The following PIEZO2 variants were observed in gnomAD, a reference collection of about 807,000 sequenced individuals.
PIEZO2 encodes piezo type mechanosensitive ion channel component 2.
PIEZO2 carries 172 observed loss-of-function variants against 337.3 expected under a neutral mutation model. That is an observed-to-expected ratio of 0.51 (90% CI 0.45 to 0.58). The LOEUF (loss-of-function observed/expected upper bound fraction) is 0.58, where lower values mean the gene tolerates loss of function less well. Among genes scored for constraint, PIEZO2 ranks in the 20% least tolerant of loss-of-function variants. The pLI, the probability that PIEZO2 is intolerant of heterozygous loss-of-function variation, is 0.00. For synonymous variants in PIEZO2, 1,251 were observed against 1,228.5 expected, an observed-to-expected ratio of 1.02 and a Z score of -0.38; for missense variants, 3,028 against 3,391.3, an observed-to-expected ratio of 0.89 and a Z score of 2.66.
intron 21 of PIEZO2, among the ~76,000 whole-genome samples, chr18:10,768,664 G>A (rs1002618173): frequency 3.3e-5 from 5 of 152,218 alleles, no homozygotes; most frequent in Non-Finnish European, 5.9e-5. Flanking sequence ...TCTGCACAAT[G>A]TGTGAATCAC....
chr18:10,748,925 T>C lies in PIEZO2; in HGVS notation c.4265-295A>G, dbSNP rs2037534788. ...TCTCTCTCTTAGGAAGAAAGGGACC[T>C]CCAACAAAGGCCACAGAGAAATAAT... On this transcript the variant is annotated intron_variant, in intron 29 of 55. Transcript: ENST00000674853. This position sits in a 1 kb window ranked among gnomAD's most constrained non-coding sequence, Gnocchi z 5.1. Among the ~76,000 whole-genome samples the C allele has an allele frequency of 6.6e-6, 1 of 152,026 alleles. No individual in the cohort carries two copies. The highest frequency in any genetic ancestry group is 2.1e-4 in the South Asian group (1 of 4,818).
chr18:11,139,116 C>T (rs1455405659), intron 1 of PIEZO2, among the ~76,000 whole-genome samples: 1 of 152,218 alleles, frequency 6.6e-6, no homozygotes, highest in Non-Finnish European at 1.5e-5. Flanking sequence ...ATGTCGGGCA[C>T]TGCTCGAAGC....
At chr18:10,720,138 T>A (rs951987689) in intron 36 of PIEZO2, among the ~76,000 whole-genome samples, 3 of 150,560 alleles carry the variant, frequency 2.0e-5, no homozygotes, top group African/African-American at 7.4e-5. Context: ...AGATTATACT[T>A]AAGCTAAACA....
At chr18:10,807,999 A>G (rs1258789404) in intron 7 of PIEZO2, among the ~76,000 whole-genome samples, 3 of 152,192 alleles carry the variant, frequency 2.0e-5, no homozygotes, top group Non-Finnish European at 4.4e-5. Context: ...ATTCATTTTG[A>G]TGGGCAATTT....
intron 2 of PIEZO2, among the ~76,000 whole-genome samples, chr18:11,020,836 T>C (rs1180137469): frequency 6.6e-6 from 1 of 152,240 alleles, no homozygotes; most frequent in Non-Finnish European, 1.5e-5. Flanking sequence ...TATAAGAAAG[T>C]TACTGTTCTG....
At chr18:10,924,412 A>G (rs1355527942) in intron 3 of PIEZO2, among the ~76,000 whole-genome samples, 1 of 152,208 alleles carries the variant, frequency 6.6e-6, no homozygotes, top group African/African-American at 2.4e-5. Context: ...AATCCTTCAT[A>G]AAGGGCTTAT....
Position 10,726,310 on chromosome 18 carries a change from A to G in PIEZO2, c.5029+5097T>C. ...CGCGGCCAGAGCCCCGGCCAGGTGG[A>G]GCAGGTGGGTCCCCGAACGCCCCGC... On this transcript the variant is annotated intron_variant, in intron 36 of 55. Coordinates refer to ENST00000674853, the MANE Select transcript of PIEZO2 (RefSeq NM_001378183.1). The surrounding 1 kb of genome is among the most constrained non-coding windows in gnomAD (Gnocchi z 5.9). The G allele has an allele frequency of 8.4e-7, 1 of 1,183,706 alleles. No homozygotes were observed. The highest frequency in any genetic ancestry group is 1.4e-5 in the South Asian group (1 of 69,548). The allele number at this position is 1,183,706 out of a possible 1,614,324, so 73.3% of individuals were successfully genotyped here.
chr18:10,995,027 G>A (rs1023795253), intron 2 of PIEZO2, among the ~76,000 whole-genome samples: 33 of 143,370 alleles, frequency 2.3e-4, no homozygotes, highest in Middle Eastern at 7.6e-3. Context: ...CTCAAAAGCC[G>A]AGATCGTGCC....
rs1314033667 is a variant in PIEZO2 at position 10,705,447 on chromosome 18, C to A, written c.5888G>T (p.Gly1963Val). ...LSFGSQDDSA[G>V]KNRMAVSPDD... ...CGGGCTGACTGCCATACGGTTCTTGCCTGCAGAGTCGTCCTGCGAGCCGAA... is the reference window on the plus strand; with the variant it reads ...CGGGCTGACTGCCATACGGTTCTTGACTGCAGAGTCGTCCTGCGAGCCGAA... The change falls in exon 41 of 56, where the codon GGC (glycine) becomes GTC (valine). Residue 1963 changes from glycine to valine, a missense_variant. This residue lies in a region of PIEZO2 where 1,925 missense variants were observed against 2,051.9 expected (regional missense o/e 0.94). Coordinates refer to ENST00000674853, the MANE Select transcript of PIEZO2 (RefSeq NM_001378183.1). 76 of 1,537,110 alleles carry A rather than the reference C, an allele frequency of 4.9e-5. No individual in the cohort carries two copies. The highest frequency in any genetic ancestry group is 6.6e-5 in the Non-Finnish European group (76 of 1,146,912).
chr18:10,869,847 T>C (rs779357968), intron 5 of PIEZO2, among the ~76,000 whole-genome samples: 3 of 152,194 alleles, frequency 2.0e-5, no homozygotes, highest in Non-Finnish European at 4.4e-5. Context: ...GCAAGGTGAT[T>C]GCATATCTTT....
intron 7 of PIEZO2, among the ~76,000 whole-genome samples, chr18:10,848,490 A>C (rs2041434206): frequency 6.6e-6 from 1 of 152,222 alleles, no homozygotes; most frequent in Non-Finnish European, 1.5e-5. Context: ...GAAGTAGATG[A>C]TAAAAAAGGG....
At chr18:10,714,989 T>A in intron 38 of PIEZO2, 59 bp from the exon 39 acceptor site, 1 of 1,491,928 alleles carries the variant, frequency 6.7e-7, no homozygotes, top group Admixed American at 2.0e-5. Flanking sequence ...TATAGCCACC[T>A]GGCATTTCTC....
rs1307996735 is a variant in PIEZO2, at chr18:10,828,532, A to C, written c.918-21258T>G. ...AAACTGAAAGTAGAAGGTAAAATAT[A>C]CATAAAGGTGTGAGTTCTAGGTGGA... On this transcript the variant is annotated intron_variant, in intron 7 of 55. Transcript: ENST00000674853. The surrounding 1 kb of genome is among the most constrained non-coding windows in gnomAD (Gnocchi z 4.1). Among the ~76,000 whole-genome samples the C allele has an allele frequency of 6.6e-6, 1 of 152,202 alleles. No individual in the cohort carries two copies. The highest frequency in any genetic ancestry group is 1.5e-5 in the Non-Finnish European group (1 of 68,026).
At position 10,672,689 on chromosome 18, in the gene PIEZO2, C is replaced by T; in HGVS notation, c.8345+1G>A. ...CTGTGAATTGTTCAATGAGTCCTTA[C>T]CCATAGCCAGCCAGGAACCCCAGAC... On this transcript the variant is annotated splice_donor_variant, in intron 55 of 55. Coordinates refer to ENST00000674853, the MANE Select transcript of PIEZO2 (RefSeq NM_001378183.1). LOFTEE classifies it high-confidence loss of function. This position sits in a 1 kb window ranked among gnomAD's most constrained non-coding sequence, Gnocchi z 4.7. The T allele has an allele frequency of 6.2e-7, 1 of 1,613,770 alleles. No homozygotes were observed. The highest frequency in any genetic ancestry group is 8.5e-7 in the Non-Finnish European group (1 of 1,179,856).
rs574137786 is a variant in PIEZO2, at chr18:11,105,169, T to C, written c.65-38947A>G. Among the ~76,000 whole-genome samples, 1 of 152,204 alleles carries C rather than the reference T, an allele frequency of 6.6e-6. No homozygotes were observed. The highest frequency in any genetic ancestry group is 1.5e-5 in the Non-Finnish European group (1 of 68,022). ...CCAGGCCTTGCCATGATGGAGGAAGTATCAATAAATCGCCCATTTTCTTTG... is the reference window on the plus strand; with the variant it reads ...CCAGGCCTTGCCATGATGGAGGAAGCATCAATAAATCGCCCATTTTCTTTG... On this transcript the variant is annotated intron_variant, in intron 1 of 55. Transcript: ENST00000674853. The surrounding 1 kb of genome is among the most constrained non-coding windows in gnomAD (Gnocchi z 4.3).
intron 30 of PIEZO2, 67 bp from the exon 31 acceptor site, chr18:10,744,298 A>G (rs73946010): frequency 0.045 from 46,375 of 1,028,448 alleles, 1,217 homozygotes; most frequent in Middle Eastern, 0.092. Context: ...TTTCCTGAAA[A>G]TTATTACTAA....
intron 2 of PIEZO2, among the ~76,000 whole-genome samples, chr18:11,045,390 C>T (rs948289547): frequency 1.5e-4 from 22 of 147,670 alleles, no homozygotes; most frequent in Non-Finnish European, 3.1e-4. Context: ...CAAAATTATT[C>T]AAGCCTGAAC....
intron 7 of PIEZO2, among the ~76,000 whole-genome samples, chr18:10,814,261 G>A (rs1177669423): frequency 1.3e-5 from 2 of 151,616 alleles, no homozygotes; most frequent in Non-Finnish European, 2.9e-5. Flanking sequence ...GAGCCACCGT[G>A]CCCCGTCCCA....
chr18:10,838,400 CT>C (rs1360263070), intron 7 of PIEZO2, among the ~76,000 whole-genome samples: 2 of 152,108 alleles, frequency 1.3e-5, no homozygotes, highest in East Asian at 3.8e-4. Flanking sequence ...TTTTTTCAAC[CT>C]TGGAAAAACT....
Sources: gnomAD v4.1 joint callset for allele counts (sites outside exome capture counted in the v4.1 genomes callset) on GRCh38, gnomAD v4.1.1 for gene constraint, gnomAD v4.1.1 regional missense constraint, Gnocchi (gnomAD v3.1) non-coding constraint, MANE v1.5 for transcripts, NCBI Gene and HGNC (gene_info 2026-07-23, HGNC 2026-07-21) for gene names.